HIPK2: variants seen among roughly 807,000 people sequenced by gnomAD.
HIPK2 encodes homeodomain interacting protein kinase 2, also known as homeodomain-interacting protein kinase 2.
HIPK2 carries 27 observed loss-of-function variants against 113.7 expected under a neutral mutation model. The observed-to-expected ratio is 0.24, with a 90% CI of 0.17 to 0.33. HIPK2 has a LOEUF of 0.33. HIPK2 is among the 10% of genes least tolerant of loss of function. The pLI is 1.00. For missense variants in HIPK2, 1,257 were observed against 1,588.0 expected, an observed-to-expected ratio of 0.79 and a Z score of 3.54; for synonymous variants, 631 against 642.2, an observed-to-expected ratio of 0.98 and a Z score of 0.26.
At chr7:139,711,749 A>C (rs527450090) in intron 2 of HIPK2, among the ~76,000 whole-genome samples, 1 of 152,294 alleles carries the variant, frequency 6.6e-6, no homozygotes, top group East Asian at 1.9e-4. Flanking sequence ...TGCTCAAAAA[A>C]AAAACAAAAA....
chr7:139,699,383 T>C (rs1256070080), intron 2 of HIPK2, among the ~76,000 whole-genome samples: 1 of 152,122 alleles, frequency 6.6e-6, no homozygotes, highest in South Asian at 2.1e-4. Flanking sequence ...TCTCGCTTGC[T>C]AGATGGAAAG....
chr7:139,744,830 A>G (rs145334200), intron 1 of HIPK2, among the ~76,000 whole-genome samples: 3 of 152,334 alleles, frequency 2.0e-5, no homozygotes, highest in African/African-American at 7.2e-5. Context: ...CCCTGCCAAG[A>G]TGATAAGCTA....
chr7:139,655,886 T>C (rs1158181125), intron 2 of HIPK2, among the ~76,000 whole-genome samples: 1 of 152,102 alleles, frequency 6.6e-6, no homozygotes, highest in Non-Finnish European at 1.5e-5. Flanking sequence ...TAACCATGGA[T>C]GAGGAGACTC....
intron 2 of HIPK2, among the ~76,000 whole-genome samples, chr7:139,694,816 C>T (rs1794518000): frequency 6.6e-6 from 1 of 152,170 alleles, no homozygotes; most frequent in Non-Finnish European, 1.5e-5. Flanking sequence ...CTGTTAACCC[C>T]AGGACAGGTG....
intron 2 of HIPK2, among the ~76,000 whole-genome samples, chr7:139,711,003 T>C (rs866712871): frequency 4.6e-5 from 3 of 65,900 alleles, no homozygotes; most frequent in Middle Eastern, 6.6e-3. Context: ...CAATTAAACC[T>C]TTTTTTTTTT....
At chr7:139,773,712 A>G (rs1255797352) in intron 1 of HIPK2, among the ~76,000 whole-genome samples, 1 of 152,228 alleles carries the variant, frequency 6.6e-6, no homozygotes, top group Non-Finnish European at 1.5e-5. Flanking sequence ...TTTTGTAGGA[A>G]AATGATGTTT....
chr7:139,641,741 C>T (rs1221767607), intron 2 of HIPK2, among the ~76,000 whole-genome samples: 1 of 152,162 alleles, frequency 6.6e-6, no homozygotes, highest in Non-Finnish European at 1.5e-5. Flanking sequence ...CCCTTGCTCA[C>T]CCCAAACACT....
At chr7:139,617,364 T>G (rs1220609583) in intron 7 of HIPK2, among the ~76,000 whole-genome samples, 1 of 152,186 alleles carries the variant, frequency 6.6e-6, no homozygotes, top group Non-Finnish European at 1.5e-5. Flanking sequence ...CTGTGCCTAG[T>G]GAAAAAGCAA....
intron 2 of HIPK2, among the ~76,000 whole-genome samples, chr7:139,650,211 G>A (rs1801406271): frequency 6.6e-6 from 1 of 151,966 alleles, no homozygotes; most frequent in East Asian, 1.9e-4. Flanking sequence ...TTAGCTGGGT[G>A]TGGTAGCATG....
chr7:139,644,924 CCTCTA>C, intron 2 of HIPK2, among the ~76,000 whole-genome samples: 1 of 152,304 alleles, frequency 6.6e-6, no homozygotes. Context: ...CAAGGTTCAC[CCTCTA>C]CTCTAGATGG....
chr7:139,776,332 T>C (rs1374660561), intron 1 of HIPK2, among the ~76,000 whole-genome samples: 4 of 152,226 alleles, frequency 2.6e-5, no homozygotes, highest in African/African-American at 7.2e-5. Flanking sequence ...ACAGCCTCGT[T>C]ATCCAGGGCC....
At chr7:139,592,818 C>T (rs1799073186) in intron 12 of HIPK2, among the ~76,000 whole-genome samples, 1 of 152,218 alleles carries the variant, frequency 6.6e-6, no homozygotes, top group Non-Finnish European at 1.5e-5. Flanking sequence ...TCCTGGGGGA[C>T]CCAGAACAAT....
chr7:139,653,752 A>T (rs1801551130), intron 2 of HIPK2, among the ~76,000 whole-genome samples: 1 of 150,518 alleles, frequency 6.6e-6, no homozygotes, highest in East Asian at 1.9e-4. Context: ...TTTTTTTTTG[A>T]GATGGAGTCT....
At chr7:139,675,460 C>A (rs905342908) in intron 2 of HIPK2, among the ~76,000 whole-genome samples, 1 of 152,174 alleles carries the variant, frequency 6.6e-6, no homozygotes, top group East Asian at 1.9e-4. Flanking sequence ...TCGGCACTCA[C>A]TTTGCTGCCA....
At chr7:139,610,702 A>G (rs1799785560) in intron 9 of HIPK2, among the ~76,000 whole-genome samples, 2 of 152,230 alleles carry the variant, frequency 1.3e-5, no homozygotes, top group African/African-American at 2.4e-5. Flanking sequence ...AACAGAATAG[A>G]TAATAATGTA....
intron 1 of HIPK2, among the ~76,000 whole-genome samples, chr7:139,776,417 G>GT (rs57657915): frequency 0.026 from 3,771 of 146,076 alleles, 69 homozygotes; most frequent in East Asian, 0.056. Flanking sequence ...TTTCTTTTAA[G>GT]TTTTTTTTTT....
Position 139,631,307 on chromosome 7 carries a change from G to C in HIPK2, c.1228-23C>G. On this transcript the variant is annotated intron_variant, in intron 3 of 14. Transcript: ENST00000406875. The surrounding 1 kb of genome is among the most constrained non-coding windows in gnomAD (Gnocchi z 4.9). ...AATCTGCAAGAAAAGATAAGAATGA[G>C]GTCAGGGCTTTTCCTGTCACTATAC... The C allele has an allele frequency of 6.3e-7, 1 of 1,596,520 alleles. No individual in the cohort carries two copies. Among genetic ancestry groups the C allele is most frequent in the Non-Finnish European group, 8.5e-7 (1 of 1,170,706 alleles).
intron 2 of HIPK2, among the ~76,000 whole-genome samples, chr7:139,696,948 C>T (rs1794584698): frequency 1.3e-5 from 2 of 152,030 alleles, no homozygotes; most frequent in African/African-American, 2.4e-5. Context: ...GTCAGGAAGC[C>T]GGGATGCAGA....
intron 1 of HIPK2, among the ~76,000 whole-genome samples, chr7:139,744,321 G>C (rs910557779): frequency 1.3e-5 from 2 of 152,212 alleles, no homozygotes; most frequent in African/African-American, 4.8e-5. Flanking sequence ...AGACACAAAA[G>C]ATCACACATT....
Sources: allele counts gnomAD v4.1 joint callset (sites outside exome capture counted in the v4.1 genomes callset), GRCh38; gene constraint gnomAD v4.1.1; non-coding constraint Gnocchi (gnomAD v3.1); transcripts MANE v1.5; gene names NCBI Gene and HGNC (gene_info 2026-07-23, HGNC 2026-07-21).